PWWP3A: variants seen among roughly 807,000 people sequenced by gnomAD.
PWWP3A encodes PWWP domain containing 3A, DNA repair factor.
PWWP3A carries 53 observed loss-of-function variants against 79.0 expected under a neutral mutation model. The observed-to-expected ratio is 0.67, with a 90% CI of 0.54 to 0.84. The LOEUF (loss-of-function observed/expected upper bound fraction) is 0.84, where lower values mean the gene tolerates loss of function less well. Among genes scored for constraint, PWWP3A ranks in the 40% least tolerant of loss-of-function variants. PWWP3A has a pLI of 0.00. For missense variants in PWWP3A, 973 were observed against 948.0 expected (o/e 1.03, Z -0.35); for synonymous variants, 443 against 394.4 (o/e 1.12, Z -1.46).
In PWWP3A at chr19:1,360,137, C is replaced by G. The variant is rs141186155; in HGVS notation, c.216C>G (p.Ala72=). Residue 72 remains alanine, a splice_region_variant and synonymous_variant, in exon 5 of 14, where the codon GCC becomes GCG. Transcript: ENST00000591337. The surrounding 1 kb of genome is among the most constrained non-coding windows in gnomAD (Gnocchi z 4.4). ...SQIEAIASSL[A]SQNEVPAAPL... is the part of the protein sequence containing the mutation. ...ATTGTGTATGTTCGGTCCTTGCAGC[C>G]TCACAGAATGAGGTTCCTGCGGCAC... 1.6e-4 allele frequency: 252 copies of G among 1,551,620 alleles called. 2 individuals carry two copies. In the African/African-American group the frequency reaches 3.2e-3, roughly 20 times the overall value.
At chr19:1,356,939 C>A in intron 2 of PWWP3A, 70 bp from the exon 3 acceptor site, 1 of 1,267,718 alleles carries the variant, frequency 7.9e-7, no homozygotes, top group Non-Finnish European at 1.1e-6. Context: ...TGCATTTGTG[C>A]TAAAGTTTGC....
chr19:1,370,708 G>A lies in PWWP3A; in HGVS notation c.1616G>A (p.Gly539Glu), dbSNP rs1008431293. The A allele has an allele frequency of 5.5e-6, 8 of 1,460,966 alleles. No individual in the cohort carries two copies. In the Admixed American group the frequency reaches 1.6e-4, roughly 30 times the overall value. 90.5% of individuals were successfully genotyped at this position (1,460,966 alleles called of 1,614,324 possible). A position where few individuals can be genotyped will look rare whatever the true frequency, so the allele number is the denominator to read the frequency against. The part of the protein sequence containing the change: ...LGTKLPQLSK[G>E]SPEEPVVGCP... The stretch of plus-strand genomic sequence containing the variant: ...ACCAAGCTTCCTCAACTGAGCAAGG[G>A]GAGCCCCGAGGAGCCCGTGGTGGGG... Residue 539 changes from glycine (G) to glutamate (E), a missense_variant, in exon 12 of 14, where the codon GGG (glycine) becomes GAG (glutamate). By Grantham distance (98) the Gly-to-Glu change is moderately conservative (BLOSUM62 -2). Coordinates refer to ENST00000591337, the MANE Select transcript of PWWP3A (RefSeq NM_001369789.1).
rs992899715 is a variant in PWWP3A at position 1,364,545 on chromosome 19, A to T, written c.1250A>T (p.His417Leu). The change falls in exon 7 of 14, where the codon CAT becomes CTT. Residue 417 changes from histidine (H) to leucine (L), a missense_variant. Physicochemically the swap from His to Leu is moderately conservative, Grantham distance 99 (BLOSUM62 -3). Coordinates refer to ENST00000591337, the MANE Select transcript of PWWP3A (RefSeq NM_001369789.1). ...RSFEVGMLVWHKHKKYPFWPA... is the reference protein window; with the variant it reads ...RSFEVGMLVWLKHKKYPFWPA... The stretch of plus-strand genomic sequence containing the variant: ...TTTGAAGTAGGAATGCTAGTCTGGC[A>T]TAAACATAAAAAATACCCCTTCTGG... The T allele has an allele frequency of 6.2e-7, 1 of 1,609,098 alleles. No individual in the cohort carries two copies. The highest frequency in any genetic ancestry group is 1.3e-5 in the African/African-American group (1 of 74,504).
At chr19:1,375,684 AAT>A (rs1600134256) in intron 13 of PWWP3A, among the ~76,000 whole-genome samples, 1 of 130,278 alleles carries the variant, frequency 7.7e-6, no homozygotes, top group African/African-American at 2.9e-5. Flanking sequence ...ACAATTTTAT[AAT>A]ATATAAAACA....
rs1383996067 is a variant in PWWP3A at position 1,368,263 on chromosome 19, TGAG to T, written c.1423-998_1423-996del. The stretch of plus-strand genomic sequence containing the variant: ...TCTAAAAATGGATGAAGGTGTGGGG[TGAG>T]GAGAAGAGCAGGAAGTTCCGTGCCT... On this transcript the variant is annotated intron_variant, in intron 9 of 13. Transcript: ENST00000591337. This position sits in a 1 kb window ranked among gnomAD's most constrained non-coding sequence, Gnocchi z 4.7. Among the ~76,000 whole-genome samples, 1 of 151,918 alleles carries T rather than the reference TGAG, an allele frequency of 6.6e-6. No homozygotes were observed. The highest frequency in any genetic ancestry group is 1.9e-4 in the East Asian group (1 of 5,184).
intron 13 of PWWP3A, among the ~76,000 whole-genome samples, chr19:1,375,821 TTTG>T: frequency 6.9e-6 from 1 of 144,884 alleles, no homozygotes. Flanking sequence ...TTTTTTTTTT[TTTG>T]AGACAGAGTC....
Position 1,376,612 on chromosome 19 carries a change from G to T in PWWP3A, c.*36G>T. 3 of 1,610,694 alleles carry T rather than the reference G, an allele frequency of 1.9e-6. No homozygotes were observed. In the East Asian group the frequency reaches 6.7e-5, roughly 36 times the overall value. ...GGCTGTGCTGTCAGCGGGGCCTGGC[G>T]GTGGAAGCGCCTCCAGTGTGCATGA... On this transcript the variant is annotated 3_prime_UTR_variant, in exon 14 of 14. Transcript: ENST00000591337.
At chr19:1,375,289 G>A (rs1008963519) in intron 13 of PWWP3A, among the ~76,000 whole-genome samples, 3 of 149,430 alleles carry the variant, frequency 2.0e-5, no homozygotes, top group African/African-American at 4.9e-5. Context: ...TGTATGGTTC[G>A]ATGGCGGTGA....
At chr19:1,371,516 C>G in intron 12 of PWWP3A, 1 of 638,712 alleles carries the variant, frequency 1.6e-6, no homozygotes, top group Non-Finnish European at 2.8e-6. Flanking sequence ...CTGATAAACC[C>G]GTGGTAAGTT....
chr19:1,360,259 G>C lies in PWWP3A; in HGVS notation c.338G>C (p.Gly113Ala), dbSNP rs1388347365. 6.2e-7 allele frequency: 1 copy of C among 1,614,142 alleles called. No homozygotes were observed. Among genetic ancestry groups the C allele is most frequent in the South Asian group, 1.1e-5 (1 of 91,060 alleles). Residue 113 changes from glycine (G) to alanine (A), a missense_variant, in exon 5 of 14, where the codon GGT becomes GCT. By Grantham distance (60) the Gly-to-Ala change is moderately conservative. Coordinates refer to ENST00000591337, the MANE Select transcript of PWWP3A (RefSeq NM_001369789.1). The surrounding 1 kb of genome is among the most constrained non-coding windows in gnomAD (Gnocchi z 4.4). The stretch of plus-strand genomic sequence containing the variant: ...AGTCAAGAAAGCTCTGCAGGGACAG[G>C]TAGAGCTGACCGGTCTCTGCGAGGG... ...IWSQESSAGT[G>A]RADRSLRGKP...
chr19:1,355,161 G>A (rs1284432687), intron 1 of PWWP3A, 26 bp downstream of exon 1: 1 of 152,274 alleles, frequency 6.6e-6, no homozygotes, highest in Admixed American at 6.6e-5. Flanking sequence ...GCGTCCCCTC[G>A]GTTCCGCCGG....
chr19:1,369,106 G>A lies in PWWP3A; in HGVS notation c.1423-159G>A, dbSNP rs1363733191. On this transcript the variant is annotated intron_variant, in intron 9 of 13. Transcript: ENST00000591337. The surrounding 1 kb of genome is among the most constrained non-coding windows in gnomAD (Gnocchi z 4.0). The stretch of plus-strand genomic sequence containing the variant: ...ATTTACCAGAGGGTCCCTGTGCGAG[G>A]CGTCTGCCAGAGCCCCCTTTGTCAG... 3 of 639,860 alleles carry A rather than the reference G, an allele frequency of 4.7e-6. No homozygotes were observed. Among genetic ancestry groups the A allele is most frequent in the Admixed American group, 2.5e-5 (1 of 40,410 alleles). The allele number at this position is 639,860 out of a possible 1,614,324, so 39.6% of individuals were successfully genotyped here. A position where few individuals can be genotyped will look rare whatever the true frequency, so the allele number is the denominator to read the frequency against.
chr19:1,367,455 G>A (rs983246398), intron 9 of PWWP3A, among the ~76,000 whole-genome samples: 1 of 152,220 alleles, frequency 6.6e-6, no homozygotes, highest in African/African-American at 2.4e-5. Context: ...CGCTTTACGG[G>A]TAAGGAAGCT....
chr19:1,366,325 A>T lies in PWWP3A; in HGVS notation c.1305A>T (p.Arg435Ser), dbSNP rs1356656323. ...AACAGGTCAAAAGCGTCAGGCAGAG[A>T]GATAAGAAAGCAAGTGTGCTATACA... ...WPAVVKSVRQRDKKASVLYIE... is the reference protein window; with the variant it reads ...WPAVVKSVRQSDKKASVLYIE... Residue 435 changes from arginine (R) to serine (S), a missense_variant, in exon 8 of 14, where the codon AGA becomes AGT. Arg to Ser is a moderately radical substitution (Grantham distance 110, BLOSUM62 -1). Coordinates refer to ENST00000591337, the MANE Select transcript of PWWP3A (RefSeq NM_001369789.1). 17 of 1,614,256 alleles carry T rather than the reference A, an allele frequency of 1.1e-5. No homozygotes were observed. The highest frequency in any genetic ancestry group is 1.4e-5 in the Non-Finnish European group (17 of 1,180,016).
At chr19:1,359,669 C>G (rs2081966119) in intron 4 of PWWP3A, 1 of 152,770 alleles carries the variant, frequency 6.5e-6, no homozygotes, top group Non-Finnish European at 1.5e-5. Flanking sequence ...TTTACCAGCC[C>G]ACAATGAGTC....
rs540900130 is a variant in PWWP3A, at chr19:1,369,239, C to T, written c.1423-26C>T. On this transcript the variant is annotated intron_variant, in intron 9 of 13. Transcript: ENST00000591337. The surrounding 1 kb of genome is among the most constrained non-coding windows in gnomAD (Gnocchi z 4.0). The stretch of plus-strand genomic sequence containing the variant: ...GGTGCTTGGCACTGCCTCCCACTGA[C>T]GCCTGCTGCCCGGATCTCATTGTAG... 8.0e-5 allele frequency: 129 copies of T among 1,612,558 alleles called. No individual in the cohort carries two copies. Among genetic ancestry groups the T allele is most frequent in the Admixed American group, 2.7e-4 (16 of 59,988 alleles).
At chr19:1,370,558 C>A in intron 11 of PWWP3A, 84 bp from the exon 12 acceptor site, 1 of 1,267,320 alleles carries the variant, frequency 7.9e-7, no homozygotes, top group South Asian at 1.8e-5. Flanking sequence ...CCTGCCATGT[C>A]GCAGCCTCCC....
At chr19:1,370,094 G>A (rs1039562947) in intron 11 of PWWP3A, among the ~76,000 whole-genome samples, 23 of 152,288 alleles carry the variant, frequency 1.5e-4, no homozygotes, top group Non-Finnish European at 2.8e-4. Context: ...TGAGCTGGGC[G>A]TGTGGCTTGC....
intron 6 of PWWP3A, among the ~76,000 whole-genome samples, chr19:1,362,862 G>A (rs1247411564): frequency 1.3e-5 from 2 of 152,320 alleles, no homozygotes; most frequent in African/African-American, 2.4e-5. Flanking sequence ...GAGCATCTAC[G>A]TGGAAGGGAC....
Sources: allele counts gnomAD v4.1 joint callset (sites outside exome capture counted in the v4.1 genomes callset), GRCh38; gene constraint gnomAD v4.1.1; non-coding constraint Gnocchi (gnomAD v3.1); transcripts MANE v1.5; gene names NCBI Gene and HGNC (gene_info 2026-07-23, HGNC 2026-07-21).